The following C2CD3 variants were observed in gnomAD, a reference collection of about 807,000 sequenced individuals.
C2CD3 encodes the protein C2 domain-containing protein 3.
A neutral mutation model predicts 234.0 loss-of-function variants in C2CD3; 148 were observed. The ratio of observed to expected loss-of-function variants is 0.63; its 90% CI spans 0.55 to 0.72. C2CD3 has a LOEUF of 0.72. Ranked by LOEUF, C2CD3 falls within the 30% of genes least tolerant of loss-of-function variation. C2CD3 has a pLI of 0.00. For synonymous variants in C2CD3, 1,000 were observed against 1,035.4 expected (o/e 0.97, Z 0.66); for missense variants, 2,577 against 2,811.5 (o/e 0.92, Z 1.89).
At chr11:74,133,017 GA>G in intron 6 of C2CD3, 45 bp from the exon 7 acceptor site, 1 of 1,593,244 alleles carries the variant, frequency 6.3e-7, no homozygotes, top group Non-Finnish European at 8.6e-7. Context: ...CTAACAGATG[GA>G]AAAAATCTAA....
intron 25 of C2CD3, among the ~76,000 whole-genome samples, chr11:74,054,944 G>A (rs1171939320): frequency 6.6e-6 from 1 of 152,142 alleles, no homozygotes; most frequent in Non-Finnish European, 1.5e-5. Flanking sequence ...GACAGAGGAG[G>A]AAGTATGGAA....
chr11:74,100,948 A>G (rs939966863), intron 14 of C2CD3, among the ~76,000 whole-genome samples: 1 of 152,216 alleles, frequency 6.6e-6, no homozygotes, highest in Non-Finnish European at 1.5e-5. Flanking sequence ...GAAGGTTGTT[A>G]AATATGTCAA....
At chr11:74,079,882 ATAT>A (rs1955260350) in intron 22 of C2CD3, among the ~76,000 whole-genome samples, 1 of 152,096 alleles carries the variant, frequency 6.6e-6, no homozygotes, top group African/African-American at 2.4e-5. Context: ...ATATTATATA[ATAT>A]TATATATCAG....
chr11:74,123,895 T>C (rs1249136776), intron 7 of C2CD3, among the ~76,000 whole-genome samples: 1 of 152,204 alleles, frequency 6.6e-6, no homozygotes, highest in East Asian at 1.9e-4. Flanking sequence ...CCTGCCACCA[T>C]GCCTGGCTAA....
At chr11:74,024,511 C>G (rs899005388) in intron 32 of C2CD3, among the ~76,000 whole-genome samples, 2 of 152,122 alleles carry the variant, frequency 1.3e-5, no homozygotes, top group Admixed American at 1.3e-4. Flanking sequence ...ATTTTTGTCT[C>G]AAGTTCTTCA....
intron 18 of C2CD3, 29 bp downstream of exon 18, chr11:74,093,787 G>A: frequency 6.3e-7 from 1 of 1,584,142 alleles, no homozygotes; most frequent in Non-Finnish European, 8.6e-7. Context: ...TTCCTTCCTA[G>A]GCATAGGACT....
chr11:74,119,068 CCTGA>C (rs1411710140), intron 8 of C2CD3, among the ~76,000 whole-genome samples: 2 of 151,980 alleles, frequency 1.3e-5, no homozygotes, highest in African/African-American at 4.8e-5. Context: ...AGCCACCACA[CCTGA>C]CTAATTTTTG....
intron 32 of C2CD3, among the ~76,000 whole-genome samples, chr11:74,018,095 C>G (rs1179554295): frequency 6.6e-6 from 1 of 152,232 alleles, no homozygotes; most frequent in African/African-American, 2.4e-5. Flanking sequence ...CTTAGCTTCA[C>G]TGTCAAGTGG....
chr11:74,072,028 A>C (rs964338915), intron 24 of C2CD3, among the ~76,000 whole-genome samples: 3 of 152,182 alleles, frequency 2.0e-5, no homozygotes, highest in Admixed American at 6.5e-5. Context: ...ACAAAAAAAA[A>C]CTTTCCAAAA....
rs888488172 is a variant in C2CD3 at position 74,133,101 on chromosome 11, A to C, written c.1089-129T>G. On this transcript the variant is annotated intron_variant, in intron 6 of 32. Transcript: ENST00000334126. ...CATACTTTAGACTTAACTGCCTTAA[A>C]TAAAACTTTACACTTTGCAAAGCTC... 2.1e-5 allele frequency: 18 copies of C among 846,486 alleles called. No individual in the cohort carries two copies. In the Admixed American group the frequency reaches 2.9e-4, roughly 14 times the overall value. The allele number at this position is 846,486 out of a possible 1,614,324, so 52.4% of individuals were successfully genotyped here.
At chr11:74,085,377 C>CACACCCTTCATCTCGAT in intron 21 of C2CD3, 1 of 503,406 alleles carries the variant, frequency 2.0e-6, no homozygotes, top group Non-Finnish European at 3.5e-6. Flanking sequence ...TGAACTCCTA[C>CACACCCTTCATCTCGAT]ACACCCTTCA....
At position 74,034,126 on chromosome 11, in the gene C2CD3, G is replaced by A; in HGVS notation, c.6034C>T (p.Pro2012Ser). Residue 2012 changes from proline (P) to serine (S), a missense_variant, in exon 31 of 33, where the codon CCA becomes TCA. Physicochemically the swap from Pro to Ser is moderately conservative, Grantham distance 74. Coordinates refer to ENST00000334126, the MANE Select transcript of C2CD3 (RefSeq NM_001286577.2). Reference sequence around the variant, plus strand: ...GATGGGGAATCTGTGCCTTTATCTGGAGCTCTTACCAATGGCTCATCTGGC... The same window carrying A: ...GATGGGGAATCTGTGCCTTTATCTGAAGCTCTTACCAATGGCTCATCTGGC... ...TMPDEPLVRA[P>S]DKGTDSPSPP... 1.3e-6 allele frequency: 2 copies of A among 1,536,176 alleles called. No homozygotes were observed. The highest frequency in any genetic ancestry group is 1.7e-6 in the Non-Finnish European group (2 of 1,146,912).
chr11:74,074,213 A>C, intron 24 of C2CD3, 40 bp downstream of exon 24: 1 of 1,382,682 alleles, frequency 7.2e-7, no homozygotes, highest in Non-Finnish European at 1.0e-6. Context: ...GCACACCCTG[A>C]AGAGTTAGAC....
At chr11:74,073,247 G>C (rs1954879296) in intron 24 of C2CD3, among the ~76,000 whole-genome samples, 1 of 152,118 alleles carries the variant, frequency 6.6e-6, no homozygotes, top group African/African-American at 2.4e-5. Flanking sequence ...AGAACTTTGT[G>C]ATATAGTAAT....
At position 74,033,571 on chromosome 11, in the gene C2CD3, T is replaced by C. The variant is rs1952604131; in HGVS notation, c.6589A>G (p.Thr2197Ala). Residue 2197 changes from threonine (T) to alanine (A), a missense_variant, in exon 31 of 33, where the codon ACA (threonine) becomes GCA (alanine). Thr to Ala is a moderately conservative substitution (Grantham distance 58, BLOSUM62 0). Transcript: ENST00000334126. ...STFVGWSSPQTDQNKEPKSEA... is the reference protein window; with the variant it reads ...STFVGWSSPQADQNKEPKSEA... ...GACTTGGGCTCCTTGTTCTGATCTG[T>C]CTGTGGTGAGCTCCATCCAACAAAC... 2.6e-6 allele frequency: 4 copies of C among 1,536,042 alleles called. No homozygotes were observed. The highest frequency in any genetic ancestry group is 2.4e-5 in the South Asian group (2 of 84,064).
intron 22 of C2CD3, among the ~76,000 whole-genome samples, chr11:74,082,111 C>T (rs74786569): frequency 8.0e-5 from 12 of 149,576 alleles, no homozygotes; most frequent in Admixed American, 6.7e-5. Context: ...CAGTATGATA[C>T]TGGCTGTGGA....
intron 24 of C2CD3, among the ~76,000 whole-genome samples, chr11:74,062,244 G>A (rs1366537944): frequency 6.6e-6 from 1 of 152,092 alleles, no homozygotes; most frequent in African/African-American, 2.4e-5. Flanking sequence ...GGATATCCAG[G>A]AATTGAACTC....
At chr11:74,041,559 G>C (rs895704415) in intron 29 of C2CD3, among the ~76,000 whole-genome samples, 7 of 152,218 alleles carry the variant, frequency 4.6e-5, no homozygotes. Context: ...TGGAGGTCAA[G>C]TCTATCTGAC....
rs557383222 is a variant in C2CD3, at chr11:74,095,257, A to C, written c.3131T>G (p.Val1044Gly). Reference protein sequence around the residue: ...YFPVQHSQSSVLKGPEFLENG... With the variant: ...YFPVQHSQSSGLKGPEFLENG... ...TTCAAGGAACTCAGGTCCTTTCAGC[A>C]CACTGGATTGAGAGTGTTGAACTGG... The change falls in exon 17 of 33, where the codon GTG becomes GGG. Residue 1044 changes from valine (V) to glycine (G), a missense_variant. Val to Gly is a moderately radical substitution (Grantham distance 109, BLOSUM62 -3). Transcript: ENST00000334126. 26 of 1,613,318 alleles carry C rather than the reference A, an allele frequency of 1.6e-5. No individual in the cohort carries two copies. Among genetic ancestry groups the C allele is most frequent in the Non-Finnish European group, 2.1e-5 (25 of 1,179,604 alleles).
Sources: gnomAD v4.1 joint callset for allele counts (sites outside exome capture counted in the v4.1 genomes callset) on GRCh38, gnomAD v4.1.1 for gene constraint, MANE v1.5 for transcripts, NCBI Gene and HGNC (gene_info 2026-07-23, HGNC 2026-07-21) for gene names.